NOS1AP: variants seen among roughly 807,000 people sequenced by gnomAD.
The protein encoded by NOS1AP is nitric oxide synthase 1 adaptor protein.
Under a neutral mutation model 56.2 loss-of-function variants are expected in NOS1AP, and 21 were observed. The observed-to-expected ratio is 0.37, with a 90% CI of 0.26 to 0.54. The LOEUF (loss-of-function observed/expected upper bound fraction) is 0.54, where lower values mean the gene tolerates loss of function less well. NOS1AP is among the 20% of genes least tolerant of loss of function. The pLI is 0.84. For synonymous variants in NOS1AP, 270 were observed against 274.6 expected (o/e 0.98, Z 0.17); for missense variants, 522 against 657.8 (o/e 0.79, Z 2.26).
chr1:162,283,790 T>C (rs1471464908), intron 2 of NOS1AP, among the ~76,000 whole-genome samples: 5 of 152,216 alleles, frequency 3.3e-5, no homozygotes, highest in Non-Finnish European at 7.4e-5. Context: ...GGTCAAGTCC[T>C]GTAGGGCTTC....
chr1:162,255,489 G>GTTTTTTTT (rs1338927589), intron 2 of NOS1AP, among the ~76,000 whole-genome samples: 1 of 66,272 alleles, frequency 1.5e-5, no homozygotes, highest in African/African-American at 4.9e-5. Context: ...TGCTGCTGCT[G>GTTTTTTTT]ATTTTTTTTT....
At chr1:162,262,042 A>G (rs1468664195) in intron 2 of NOS1AP, among the ~76,000 whole-genome samples, 3 of 152,186 alleles carry the variant, frequency 2.0e-5, no homozygotes, top group African/African-American at 7.2e-5. Context: ...AGGCTTGCCT[A>G]TAGAGAAAGT....
intron 8 of NOS1AP, 190 bp from the exon 9 acceptor site, chr1:162,365,214 G>A (rs919177238): frequency 7.6e-6 from 11 of 1,455,624 alleles, no homozygotes; most frequent in African/African-American, 4.2e-5. Context: ...CAGTGCCAGT[G>A]AACCCACTCC....
At chr1:162,149,435 A>G (rs1346356737) in intron 1 of NOS1AP, among the ~76,000 whole-genome samples, 1 of 152,218 alleles carries the variant, frequency 6.6e-6, no homozygotes, top group Non-Finnish European at 1.5e-5. Flanking sequence ...CTGGTCTTAG[A>G]TGGTGTCTTA....
rs1432916751 is a variant in NOS1AP at position 162,070,287 on chromosome 1, G to A, written c.105+5G>A. On this transcript the variant is annotated splice_donor_5th_base_variant and intron_variant, in intron 1 of 9. Coordinates refer to ENST00000361897, the MANE Select transcript of NOS1AP (RefSeq NM_014697.3). Reference sequence around the variant, plus strand: ...GGCATCTGCTTTGAGGCCAAGGTGAGGGGGCTCCGGGGAGGGTGCTACCTG... The same window carrying A: ...GGCATCTGCTTTGAGGCCAAGGTGAAGGGGCTCCGGGGAGGGTGCTACCTG... The A allele has an allele frequency of 1.6e-5, 26 of 1,609,508 alleles. No individual in the cohort carries two copies. The highest frequency in any genetic ancestry group is 2.2e-5 in the Non-Finnish European group (26 of 1,176,388).
At chr1:162,221,534 G>GCGCACACA (rs1491138063) in intron 2 of NOS1AP, among the ~76,000 whole-genome samples, 22 of 73,396 alleles carry the variant, frequency 3.0e-4, no homozygotes, top group African/African-American at 6.1e-4. Context: ...ACACACGCGC[G>GCGCACACA]CACACACACA....
intron 6 of NOS1AP, among the ~76,000 whole-genome samples, chr1:162,344,928 A>T (rs1445748680): frequency 6.6e-6 from 1 of 152,222 alleles, no homozygotes; most frequent in Non-Finnish European, 1.5e-5. Context: ...TTCCAAGAAC[A>T]GCTGGTTAGA....
chr1:162,101,690 C>T (rs1416830134), intron 1 of NOS1AP, among the ~76,000 whole-genome samples: 2 of 152,004 alleles, frequency 1.3e-5, no homozygotes, highest in Non-Finnish European at 2.9e-5. Flanking sequence ...GTATTTTATT[C>T]TTTTTGTAGC....
intron 5 of NOS1AP, among the ~76,000 whole-genome samples, chr1:162,341,868 A>G (rs572150813): frequency 1.8e-4 from 28 of 152,334 alleles, no homozygotes; most frequent in Admixed American, 3.9e-4. Flanking sequence ...GGCTAAAGGA[A>G]ATGTAGAAAG....
At chr1:162,341,946 G>A (rs779083288) in intron 5 of NOS1AP, among the ~76,000 whole-genome samples, 8 of 152,132 alleles carry the variant, frequency 5.3e-5, no homozygotes, top group Non-Finnish European at 7.4e-5. Context: ...TGTGTGTTTT[G>A]GGAGTGGGAA....
intron 2 of NOS1AP, among the ~76,000 whole-genome samples, chr1:162,247,993 C>G (rs895539854): frequency 6.6e-6 from 1 of 152,090 alleles, no homozygotes; most frequent in African/African-American, 2.4e-5. Flanking sequence ...TAATTAAAAT[C>G]AAAAGCTGGT....
At chr1:162,313,182 A>G (rs1656105527) in intron 4 of NOS1AP, among the ~76,000 whole-genome samples, 1 of 152,186 alleles carries the variant, frequency 6.6e-6, no homozygotes, top group South Asian at 2.1e-4. Flanking sequence ...GGTGTCTCCC[A>G]TGCCCTCAAG....
rs945476886 is a variant in NOS1AP, at chr1:162,339,854, G to A, written c.454-3981G>A. On this transcript the variant is annotated intron_variant, in intron 5 of 9. Coordinates refer to ENST00000361897, the MANE Select transcript of NOS1AP (RefSeq NM_014697.3). ...GATGGTGAAGACACAGCCCCTCCCA[G>A]GCACAGGCTGCCTCTACTGACCACC... Among the ~76,000 whole-genome samples the A allele has an allele frequency of 5.3e-5, 8 of 152,298 alleles. No homozygotes were observed. The South Asian group carries it at 1.7e-3, about 32-fold the overall frequency.
At chr1:162,102,109 G>C (rs1033772587) in intron 1 of NOS1AP, among the ~76,000 whole-genome samples, 4 of 152,060 alleles carry the variant, frequency 2.6e-5, no homozygotes, top group African/African-American at 9.7e-5. Flanking sequence ...TTATTTTGAG[G>C]TATGTTCCAG....
chr1:162,118,068 A>C, intron 1 of NOS1AP, among the ~76,000 whole-genome samples: 1 of 152,374 alleles, frequency 6.6e-6, no homozygotes, highest in Middle Eastern at 3.4e-3. Flanking sequence ...AAGATTATGA[A>C]ATGTTTTATT....
intron 1 of NOS1AP, among the ~76,000 whole-genome samples, chr1:162,128,418 C>T (rs894665228): frequency 6.6e-6 from 1 of 152,090 alleles, no homozygotes; most frequent in Non-Finnish European, 1.5e-5. Context: ...TCAATTCACT[C>T]AACAATCTCT....
At chr1:162,349,283 T>G (rs1657413927) in intron 6 of NOS1AP, among the ~76,000 whole-genome samples, 1 of 151,016 alleles carries the variant, frequency 6.6e-6, no homozygotes, top group African/African-American at 2.5e-5. Flanking sequence ...AGTCTACTGA[T>G]TTAAATGTTA....
rs1179581210 is a variant in NOS1AP, at chr1:162,364,388, A to G, written c.940-1016A>G. 3 of 985,170 alleles carry G rather than the reference A, an allele frequency of 3.0e-6. No individual in the cohort carries two copies. In the East Asian group the frequency reaches 3.4e-4, roughly 112 times the overall value. The allele number at this position is 985,170 out of a possible 1,614,324, so 61.0% of individuals were successfully genotyped here. A position where few individuals can be genotyped will look rare whatever the true frequency, so the allele number is the denominator to read the frequency against. ...ATGCTCCCTGGAGAACTCTTTATTC[A>G]CTTCTTTGCACAAGAATCACATATG... On this transcript the variant is annotated intron_variant, in intron 8 of 9. Transcript: ENST00000361897.
intron 3 of NOS1AP, among the ~76,000 whole-genome samples, chr1:162,295,599 T>G (rs960159483): frequency 6.6e-6 from 1 of 152,298 alleles, no homozygotes; most frequent in Middle Eastern, 3.4e-3. Context: ...TGTTGTTTTG[T>G]TTTTTTCTTT....
Sources: gnomAD v4.1 joint callset for allele counts (sites outside exome capture counted in the v4.1 genomes callset) on GRCh38, gnomAD v4.1.1 for gene constraint, MANE v1.5 for transcripts, NCBI Gene and HGNC (gene_info 2026-07-23, HGNC 2026-07-21) for gene names.